The following TRANK1 variants were observed in gnomAD, a reference collection of about 807,000 sequenced individuals.
TRANK1 encodes the protein TPR and ankyrin repeat-containing protein 1.
Under a neutral mutation model 266.0 loss-of-function variants are expected in TRANK1, and 198 were observed. The ratio of observed to expected loss-of-function variants is 0.74; its 90% confidence interval spans 0.66 to 0.84. The LOEUF is 0.84. Among genes scored for constraint, TRANK1 ranks in the 40% least tolerant of loss-of-function variants. The pLI, the probability that TRANK1 is intolerant of heterozygous loss-of-function variation, is 0.00. For missense variants in TRANK1, 3,326 were observed against 3,634.6 expected, an observed-to-expected ratio of 0.92 and a Z score of 2.18; for synonymous variants, 1,396 against 1,384.1, an observed-to-expected ratio of 1.01 and a Z score of -0.19.
intron 1 of TRANK1, among the ~76,000 whole-genome samples, chr3:36,911,235 A>C (rs2080048164): frequency 6.6e-6 from 1 of 152,240 alleles, no homozygotes; most frequent in East Asian, 1.9e-4. Flanking sequence ...AAGGCATATA[A>C]TCCCAAATTG....
intron 8 of TRANK1, among the ~76,000 whole-genome samples, chr3:36,879,871 C>CAAATATTTGTAAAT (rs1257010317): frequency 5.8e-5 from 1 of 17,276 alleles, no homozygotes; most frequent in Admixed American, 8.1e-4. Flanking sequence ...TATATGTAAA[C>CAAATATTTGTAAAT]ATACAAATAT....
At chr3:36,862,808 G>C (rs529377483) in intron 10 of TRANK1, among the ~76,000 whole-genome samples, 33 of 152,332 alleles carry the variant, frequency 2.2e-4, no homozygotes, top group South Asian at 8.3e-4. Context: ...AGAGAGCTCA[G>C]TTGAAAGATG....
Position 36,922,641 on chromosome 3 carries a change from T to C in TRANK1, c.24-14187A>G, listed in dbSNP as rs375232693. ...ATACAAAAAACATAGCTGGGTGTGG[T>C]GGCACACACCTGTAGTCCCAGCTAC... On this transcript the variant is annotated intron_variant, in intron 1 of 23. Transcript: ENST00000645898. Among the ~76,000 whole-genome samples, 3 of 151,988 alleles carry C rather than the reference T, an allele frequency of 2.0e-5. No individual in the cohort carries two copies. In the East Asian group the frequency reaches 5.8e-4, roughly 29 times the overall value.
intron 15 of TRANK1, among the ~76,000 whole-genome samples, chr3:36,848,621 C>T (rs960327983): frequency 6.6e-6 from 1 of 152,116 alleles, no homozygotes; most frequent in South Asian, 2.1e-4. Flanking sequence ...AGGTTAAATG[C>T]CTTAAACACT....
chr3:36,900,693 T>C (rs538773266), intron 3 of TRANK1, among the ~76,000 whole-genome samples: 19 of 151,420 alleles, frequency 1.3e-4, no homozygotes, highest in African/African-American at 4.1e-4. Context: ...CTGGGCAACA[T>C]AGTGAGACCC....
At chr3:36,861,481 T>G (rs937648995) in intron 10 of TRANK1, among the ~76,000 whole-genome samples, 8 of 152,158 alleles carry the variant, frequency 5.3e-5, no homozygotes, top group Admixed American at 2.0e-4. Context: ...AAATTTTGCA[T>G]GATATTAAGA....
At position 36,856,573 on chromosome 3, in the gene TRANK1, T is replaced by C; in HGVS notation, c.3149A>G (p.Tyr1050Cys). The C allele has an allele frequency of 1.9e-6, 3 of 1,613,962 alleles. No individual in the cohort carries two copies. The highest frequency in any genetic ancestry group is 1.3e-5 in the African/African-American group (1 of 75,034). ...CTCAAGCTCACCCACCCGGAAGGGG[T>C]ACTCCACTGTGGCTGTCGTGTCATT... ...ILNDTTATVE[Y>C]PFRVGELEYA... Residue 1050 changes from tyrosine (Y) to cysteine (C), a missense_variant, in exon 13 of 24, where the codon TAC (tyrosine) becomes TGC (cysteine). Coordinates refer to ENST00000645898, the MANE Select transcript of TRANK1 (RefSeq NM_001329998.2).
At chr3:36,942,567 T>C (rs1276977875) in intron 1 of TRANK1, among the ~76,000 whole-genome samples, 4 of 150,024 alleles carry the variant, frequency 2.7e-5, no homozygotes, top group Non-Finnish European at 5.9e-5. Flanking sequence ...CTGGGATCCA[T>C]GCAGGAGGCC....
rs746323178 is a variant in TRANK1, at chr3:36,829,606, G to A, written c.8767C>T (p.Arg2923Ter). 6 of 1,613,726 alleles carry A rather than the reference G, an allele frequency of 3.7e-6. No homozygotes were observed. Among genetic ancestry groups the A allele is most frequent in the East Asian group, 2.2e-5 (1 of 44,894 alleles). ...NILILSVRDARDWLMKTETRL... is the reference protein window; with the variant it reads ...NILILSVRDA ...GTCTCTGTTTTCATCAACCAGTCTC[G>A]TGCATCCCTGACTGACAGGATCAGA... Residue 2923 changes from arginine (R) to a stop codon, truncating the protein, a stop_gained, in exon 23 of 24, where the codon CGA (arginine) becomes TGA (stop). Coordinates refer to ENST00000645898, the MANE Select transcript of TRANK1 (RefSeq NM_001329998.2). LOFTEE classifies it high-confidence loss of function.
intron 1 of TRANK1, among the ~76,000 whole-genome samples, chr3:36,932,269 T>C (rs1225132290): frequency 1.3e-5 from 2 of 152,166 alleles, no homozygotes; most frequent in Non-Finnish European, 2.9e-5. Context: ...AGCATCTGTC[T>C]ATAGAAATGT....
At chr3:36,848,444 T>C (rs2078943555) in intron 15 of TRANK1, among the ~76,000 whole-genome samples, 1 of 152,224 alleles carries the variant, frequency 6.6e-6, no homozygotes, top group Non-Finnish European at 1.5e-5. Flanking sequence ...ACTTCATATT[T>C]CATACTTTCC....
At position 36,895,683 on chromosome 3, in the gene TRANK1, C is replaced by T; in HGVS notation, c.509G>A (p.Trp170Ter). The T allele has an allele frequency of 6.5e-7, 1 of 1,536,452 alleles. No homozygotes were observed. The highest frequency in any genetic ancestry group is 8.7e-7 in the Non-Finnish European group (1 of 1,146,670). The change falls in exon 5 of 24, where the codon TGG becomes TAG. Residue 170 changes from tryptophan to a stop codon, truncating the protein, a stop_gained. Coordinates refer to ENST00000645898, the MANE Select transcript of TRANK1 (RefSeq NM_001329998.2). LOFTEE classifies it high-confidence loss of function. ...IFTTGFPTEV[W>*]QSVIEKLAKK... ...TGCCAACTTTTCTATTACAGATTGC[C>T]ACACTTCTGTTGGGAATCCAGTTGT...
Position 36,944,778 on chromosome 3 carries a change from G to T in TRANK1, c.23+9C>A. Reference sequence around the variant, plus strand: ...GAGATGCCCCAGTGCTTCCCGCGCCGCTACGCACCTAGCTGCCCGCGGGTC... The same window carrying T: ...GAGATGCCCCAGTGCTTCCCGCGCCTCTACGCACCTAGCTGCCCGCGGGTC... On this transcript the variant is annotated intron_variant, in intron 1 of 23. Coordinates refer to ENST00000645898, the MANE Select transcript of TRANK1 (RefSeq NM_001329998.2). The T allele has an allele frequency of 6.7e-7, 1 of 1,497,580 alleles. No individual in the cohort carries two copies. The highest frequency in any genetic ancestry group is 2.8e-5 in the East Asian group (1 of 35,492). The allele number at this position is 1,497,580 out of a possible 1,614,324, so 92.8% of individuals were successfully genotyped here.
At chr3:36,880,528 G>T (rs571603444) in intron 8 of TRANK1, 5 of 180,110 alleles carry the variant, frequency 2.8e-5, no homozygotes, top group Non-Finnish European at 4.8e-5. Flanking sequence ...ATTTTCTTCA[G>T]GTAACCAAGC....
At chr3:36,861,704 C>CTTTTT (rs375054559) in intron 10 of TRANK1, among the ~76,000 whole-genome samples, 8 of 124,130 alleles carry the variant, frequency 6.4e-5, no homozygotes, top group East Asian at 2.4e-4. Flanking sequence ...GAGTAGAAAA[C>CTTTTT]TTTTTTTTTT....
At chr3:36,923,342 A>C (rs1020602028) in intron 1 of TRANK1, among the ~76,000 whole-genome samples, 9 of 148,530 alleles carry the variant, frequency 6.1e-5, no homozygotes, top group African/African-American at 2.2e-4. Flanking sequence ...TGCAACCTCC[A>C]ACTCCCAGGT....
At position 36,831,471 on chromosome 3, in the gene TRANK1, G is replaced by T. The variant is rs373752001; in HGVS notation, c.8112C>A (p.His2704Gln). 1.2e-6 allele frequency: 2 copies of T among 1,613,132 alleles called. No homozygotes were observed. Among genetic ancestry groups the T allele is most frequent in the Admixed American group, 1.7e-5 (1 of 59,884 alleles). Residue 2704 changes from histidine (H) to glutamine (Q), a missense_variant, in exon 22 of 24, where the codon CAC becomes CAA. Coordinates refer to ENST00000645898, the MANE Select transcript of TRANK1 (RefSeq NM_001329998.2). The surrounding 1 kb of genome is among the most constrained non-coding windows in gnomAD (Gnocchi z 5.0). Reference sequence around the variant, plus strand: ...TTTGGGAAAGAATGGTGGCCAGGACGTGGTCTCGGTCTTCTAATGCCAGTT... The same window carrying T: ...TTTGGGAAAGAATGGTGGCCAGGACTTGGTCTCGGTCTTCTAATGCCAGTT... ...MDELALEDRD[H>Q]VLATILSQKQ...
In TRANK1 at chr3:36,857,015, G is replaced by A; in HGVS notation, c.2707C>T (p.Leu903Phe). ...CATCGAGGGGAGAAGTCAATGGCGA[G>A]CTCCCAGAGCATCCGGGCTCCTTTG... The part of the protein sequence containing the change: ...LDKGARMLWE[L>F]AIDFSPRCSE... The change falls in exon 13 of 24, where the codon CTC becomes TTC. Residue 903 changes from leucine (L) to phenylalanine (F), a missense_variant. Transcript: ENST00000645898. This position sits in a 1 kb window ranked among gnomAD's most constrained non-coding sequence, Gnocchi z 4.3. 6.2e-7 allele frequency: 1 copy of A among 1,613,958 alleles called. No homozygotes were observed. The highest frequency in any genetic ancestry group is 1.7e-5 in the Admixed American group (1 of 60,026).
chr3:36,909,500 A>G (rs1044125217), intron 1 of TRANK1, among the ~76,000 whole-genome samples: 1 of 152,200 alleles, frequency 6.6e-6, no homozygotes, highest in Non-Finnish European at 1.5e-5. Flanking sequence ...CTTCCTCTCA[A>G]GATGGCAGAG....
Sources: allele counts gnomAD v4.1 joint callset (sites outside exome capture counted in the v4.1 genomes callset), GRCh38; gene constraint gnomAD v4.1.1; non-coding constraint Gnocchi (gnomAD v3.1); transcripts MANE v1.5; gene names NCBI Gene and HGNC (gene_info 2026-07-23, HGNC 2026-07-21).